The following RUFY3 variants were observed in gnomAD, a reference collection of about 807,000 sequenced individuals.
RUFY3 encodes the protein protein RUFY3.
In RUFY3, 34 loss-of-function variants were observed where a neutral mutation model predicts 84.0. That is an observed-to-expected ratio of 0.40 (90% confidence interval 0.31 to 0.54). RUFY3 has a LOEUF of 0.54. Among genes scored for constraint, RUFY3 ranks in the 20% least tolerant of loss-of-function variants. The probability of loss-of-function intolerance (pLI) is 0.39; values close to 1 mark genes in which losing one functional copy is unlikely to be tolerated. For synonymous variants in RUFY3, 242 were observed against 252.9 expected, an observed-to-expected ratio of 0.96 and a Z score of 0.41; for missense variants, 507 against 736.8, an observed-to-expected ratio of 0.69 and a Z score of 3.61.
At chr4:70,731,124 G>A (rs913542902) in intron 1 of RUFY3, among the ~76,000 whole-genome samples, 16 of 150,096 alleles carry the variant, frequency 1.1e-4, no homozygotes, top group East Asian at 4.0e-4. Context: ...TGCAACCTCC[G>A]CCTCCTGGGT....
At chr4:70,797,873 C>T (rs1280083705) in intron 14 of RUFY3, among the ~76,000 whole-genome samples, 2 of 151,986 alleles carry the variant, frequency 1.3e-5, no homozygotes, top group Admixed American at 1.3e-4. Flanking sequence ...AAAAAAAACA[C>T]TCTGTGTAGC....
rs115283333 is a variant in RUFY3, at chr4:70,801,149, C to T, written c.1622+944C>T. The stretch of plus-strand genomic sequence containing the variant: ...CAGTTACATGACATTCTGGAAAAGA[C>T]AAAACTATGGAGACAAAAAAAAAAA... On this transcript the variant is annotated intron_variant, in intron 15 of 17. Coordinates refer to ENST00000381006, the MANE Select transcript of RUFY3 (RefSeq NM_001037442.4). 7.8e-3 allele frequency among the ~76,000 whole-genome samples: 780 copies of T among 99,542 alleles called. 14 individuals carry two copies. Among genetic ancestry groups the T allele is most frequent in the African/African-American group, 0.028 (723 of 26,114 alleles). 65.3% of individuals were successfully genotyped at this position (99,542 alleles called of 152,430 possible). A position where few individuals can be genotyped will look rare whatever the true frequency, so the allele number is the denominator to read the frequency against.
chr4:70,713,778 C>A, intron 1 of RUFY3, among the ~76,000 whole-genome samples: 1 of 152,212 alleles, frequency 6.6e-6, no homozygotes, highest in East Asian at 1.9e-4. Context: ...AATCTGATCA[C>A]TTGAGGTGAG....
chr4:70,760,695 T>C (rs547359776), intron 1 of RUFY3, among the ~76,000 whole-genome samples: 86 of 152,352 alleles, frequency 5.6e-4, no homozygotes, highest in African/African-American at 1.9e-3. Context: ...TGCTGTCCTC[T>C]TGTGAGAATA....
intron 4 of RUFY3, among the ~76,000 whole-genome samples, chr4:70,767,797 G>C (rs1444059321): frequency 2.0e-5 from 3 of 151,964 alleles, no homozygotes; most frequent in African/African-American, 4.8e-5. Flanking sequence ...TCCTGCCTCA[G>C]CCTCCTGAGT....
chr4:70,780,230 C>T (rs1728677671), intron 8 of RUFY3, among the ~76,000 whole-genome samples: 2 of 152,106 alleles, frequency 1.3e-5, no homozygotes, highest in Non-Finnish European at 2.9e-5. Context: ...AGTTAGGCTA[C>T]TTGGGTTCAT....
At chr4:70,778,769 G>A (rs1039404078) in intron 8 of RUFY3, among the ~76,000 whole-genome samples, 2 of 151,732 alleles carry the variant, frequency 1.3e-5, no homozygotes, top group Non-Finnish European at 2.9e-5. Flanking sequence ...TAGTAGAGAC[G>A]GGGTTTCTCC....
intron 7 of RUFY3, among the ~76,000 whole-genome samples, 183 bp downstream of exon 7, chr4:70,775,416 T>C (rs1727764558): frequency 6.6e-6 from 1 of 151,684 alleles, no homozygotes; most frequent in Non-Finnish European, 1.5e-5. Context: ...TGGTGACCTT[T>C]AGTGAAAGGC....
chr4:70,721,717 A>G (rs1436936584), upstream of RUFY3, among the ~76,000 whole-genome samples: 2 of 152,218 alleles, frequency 1.3e-5, no homozygotes, highest in Non-Finnish European at 2.9e-5. Context: ...ACTATAGATT[A>G]TTATCCGGTA....
intron 1 of RUFY3, among the ~76,000 whole-genome samples, chr4:70,749,463 G>A (rs1469736795): frequency 6.6e-6 from 1 of 150,588 alleles, no homozygotes; most frequent in East Asian, 1.9e-4. Flanking sequence ...AAGAGTATAT[G>A]AAAATAATGG....
chr4:70,794,074 G>A (rs1731211862), intron 13 of RUFY3, among the ~76,000 whole-genome samples, 170 bp downstream of exon 13: 1 of 152,100 alleles, frequency 6.6e-6, no homozygotes, highest in Admixed American at 6.5e-5. Flanking sequence ...CCCCAAATCC[G>A]ATCAACATGC....
At chr4:70,779,723 C>T (rs1338636009) in intron 8 of RUFY3, among the ~76,000 whole-genome samples, 1 of 151,946 alleles carries the variant, frequency 6.6e-6, no homozygotes, top group African/African-American at 2.4e-5. Flanking sequence ...GCTGGGATCA[C>T]AGGCACACAC....
chr4:70,764,110 A>G (rs1182040357), intron 3 of RUFY3, among the ~76,000 whole-genome samples: 1 of 152,220 alleles, frequency 6.6e-6, no homozygotes, highest in Non-Finnish European at 1.5e-5. Flanking sequence ...TTTAATTTTA[A>G]TCAGACAGAG....
intron 8 of RUFY3, among the ~76,000 whole-genome samples, chr4:70,779,372 A>G (rs777216892): frequency 6.6e-6 from 1 of 152,184 alleles, no homozygotes; most frequent in Non-Finnish European, 1.5e-5. Context: ...AACTCTGAAG[A>G]TCAGATAAGA....
intron 1 of RUFY3, among the ~76,000 whole-genome samples, chr4:70,728,520 A>G (rs923043973): frequency 1.3e-5 from 2 of 152,266 alleles, no homozygotes; most frequent in Non-Finnish European, 2.9e-5. Context: ...GTGAATTGAA[A>G]TTAGCCTAAA....
intron 17 of RUFY3, 149 bp from the exon 18 acceptor site, chr4:70,806,367 C>T (rs1285728530): frequency 1.2e-6 from 1 of 847,844 alleles, no homozygotes; most frequent in African/African-American, 1.7e-5. Context: ...GTAGATTGGG[C>T]CTGTGTTCAG....
chr4:70,780,167 C>A (rs1310930663), intron 8 of RUFY3, among the ~76,000 whole-genome samples: 2 of 152,158 alleles, frequency 1.3e-5, no homozygotes, highest in Non-Finnish European at 2.9e-5. Flanking sequence ...TACTGTTATT[C>A]TGCTGCTACT....
At chr4:70,733,032 A>C (rs1719560976) in intron 1 of RUFY3, among the ~76,000 whole-genome samples, 1 of 148,910 alleles carries the variant, frequency 6.7e-6, no homozygotes, top group East Asian at 2.0e-4. Flanking sequence ...GCGCCACTGC[A>C]CTCTAACCTG....
intron 3 of RUFY3, 42 bp from the exon 4 acceptor site, chr4:70,764,433 G>A (rs1360503091): frequency 1.5e-6 from 2 of 1,340,388 alleles, no homozygotes; most frequent in Admixed American, 3.5e-5. Context: ...CTTTGCTTCT[G>A]GTGCTTATGT....
Sources: gnomAD v4.1 joint callset for allele counts (sites outside exome capture counted in the v4.1 genomes callset) on GRCh38, gnomAD v4.1.1 for gene constraint, MANE v1.5 for transcripts, NCBI Gene and HGNC (gene_info 2026-07-23, HGNC 2026-07-21) for gene names.